Variants in XPOT observed in about 807,000 individuals in gnomAD.
The protein encoded by XPOT is exportin for tRNA.
XPOT carries 34 observed loss-of-function variants against 128.2 expected under a neutral mutation model. The ratio of observed to expected loss-of-function variants is 0.27; its 90% CI spans 0.20 to 0.35. The LOEUF (loss-of-function observed/expected upper bound fraction) is 0.35. XPOT is among the 10% of genes least tolerant of loss of function. The probability of loss-of-function intolerance (pLI) is 1.00; values close to 1 mark genes in which losing one functional copy is unlikely to be tolerated. For missense variants in XPOT, 838 were observed against 1,125.3 expected (o/e 0.74, Z 3.65); for synonymous variants, 348 against 394.3 (o/e 0.88, Z 1.39).
intron 23 of XPOT, among the ~76,000 whole-genome samples, chr12:64,441,234 T>C (rs2040322190): frequency 6.6e-6 from 1 of 152,218 alleles, no homozygotes; most frequent in African/African-American, 2.4e-5. Context: ...GTTGACTGTA[T>C]ACAGGAGTTG....
chr12:64,434,558 A>C lies in XPOT; in HGVS notation c.2504A>C (p.Glu835Ala). 1 of 1,614,038 alleles carries C rather than the reference A, an allele frequency of 6.2e-7. No homozygotes were observed. Among genetic ancestry groups the C allele is most frequent in the Non-Finnish European group, 8.5e-7 (1 of 1,179,954 alleles). ...VLVTVIQGAV[E>A]YPDPIAQKTC... is the part of the protein sequence containing the mutation. The stretch of plus-strand genomic sequence containing the variant: ...GTTACTGTTATCCAAGGAGCAGTTG[A>C]ATATCCAGATCCAATTGCACAGAAA... The change falls in exon 20 of 25, where the codon GAA becomes GCA. Residue 835 changes from glutamate (E) to alanine (A), a missense_variant. By Grantham distance (107) the Glu-to-Ala change is moderately radical. This residue lies in a region of XPOT where 761 missense variants were observed against 988.3 expected (regional missense o/e 0.77). Coordinates refer to ENST00000332707, the MANE Select transcript of XPOT (RefSeq NM_007235.6).
intron 16 of XPOT, 57 bp downstream of exon 16, chr12:64,428,177 C>A: frequency 1.7e-6 from 2 of 1,205,208 alleles, no homozygotes; most frequent in Non-Finnish European, 2.4e-6. Context: ...CCACACGTGC[C>A]ATTAGCCTTG....
At chr12:64,426,284 G>A (rs1426691725) in intron 15 of XPOT, among the ~76,000 whole-genome samples, 2 of 128,348 alleles carry the variant, frequency 1.6e-5, no homozygotes, top group Non-Finnish European at 3.2e-5. Context: ...GGGTGACAGC[G>A]TGAGACTCAG....
intron 20 of XPOT, 22 bp downstream of exon 20, chr12:64,434,645 ACC>A: frequency 6.3e-7 from 1 of 1,590,866 alleles, no homozygotes; most frequent in East Asian, 2.2e-5. Context: ...TTATTTCTTA[ACC>A]TTCATTTCCC....
intron 2 of XPOT, among the ~76,000 whole-genome samples, chr12:64,412,567 T>C (rs1282398255): frequency 6.6e-6 from 1 of 152,184 alleles, no homozygotes; most frequent in Non-Finnish European, 1.5e-5. Flanking sequence ...GCTAGTACTA[T>C]CTTTTATAGC....
intron 11 of XPOT, 31 bp downstream of exon 11, chr12:64,423,275 A>T (rs2040158127): frequency 7.2e-7 from 1 of 1,389,772 alleles, no homozygotes; most frequent in Non-Finnish European, 9.8e-7. Flanking sequence ...AGGAGAAAGG[A>T]GTTTTAATTT....
chr12:64,433,337 T>A, intron 18 of XPOT, 77 bp from the exon 19 acceptor site: 1 of 1,361,158 alleles, frequency 7.3e-7, no homozygotes, highest in Non-Finnish European at 9.9e-7. Context: ...AAAGAAAGGC[T>A]TTATGTAAAA....
intron 18 of XPOT, 139 bp downstream of exon 18, chr12:64,431,962 T>C: frequency 1.2e-6 from 1 of 853,230 alleles, no homozygotes; most frequent in Non-Finnish European, 1.8e-6. Context: ...ATCATATGTA[T>C]TTTTATCATC....
chr12:64,442,654 T>G (rs1319238896), intron 23 of XPOT: 1 of 152,398 alleles, frequency 6.6e-6, no homozygotes, highest in Non-Finnish European at 1.5e-5. Context: ...GTGAGAGAGC[T>G]GCTTTTTCTC....
At position 64,449,541 on chromosome 12, in the gene XPOT, G is replaced by A. The variant is rs749875418; in HGVS notation, c.*1410G>A. ...TTTTGCCCTTTGGCCTCATGAATGG[G>A]TTTCATGAATGGGCTTCAGTGGCTT... On this transcript the variant is annotated 3_prime_UTR_variant, in exon 25 of 25. Coordinates refer to ENST00000332707, the MANE Select transcript of XPOT (RefSeq NM_007235.6). 2 of 152,200 alleles carry A rather than the reference G, an allele frequency of 1.3e-5. No individual in the cohort carries two copies. Among genetic ancestry groups the A allele is most frequent in the Non-Finnish European group, 2.9e-5 (2 of 68,022 alleles). 9.4% of individuals were successfully genotyped at this position (152,200 alleles called of 1,614,324 possible). A position where few individuals can be genotyped will look rare whatever the true frequency, so the allele number is the denominator to read the frequency against.
At position 64,416,681 on chromosome 12, in the gene XPOT, CT is replaced by C; in HGVS notation, c.144-10del. 3 of 1,603,594 alleles carry C rather than the reference CT, an allele frequency of 1.9e-6. No individual in the cohort carries two copies. Among genetic ancestry groups the C allele is most frequent in the South Asian group, 2.2e-5 (2 of 90,558 alleles). On this transcript the variant is annotated splice_polypyrimidine_tract_variant and intron_variant, in intron 3 of 24. Coordinates refer to ENST00000332707, the MANE Select transcript of XPOT (RefSeq NM_007235.6). ...GTTCATATTCTGCTTATCTCATTTTCTTTTTTTCTTTTTCAGTGATGATCAT... is the reference window on the plus strand; with the variant it reads ...GTTCATATTCTGCTTATCTCATTTTCTTTTTTCTTTTTCAGTGATGATCAT...
intron 24 of XPOT, among the ~76,000 whole-genome samples, chr12:64,445,560 T>TC (rs1308070944): frequency 1.3e-5 from 2 of 152,198 alleles, no homozygotes; most frequent in East Asian, 1.9e-4. Flanking sequence ...ATTACTGATT[T>TC]TTTTTTTTAA....
Position 64,445,126 on chromosome 12 carries a change from TTA to T in XPOT, c.2858_2859del (p.Leu953Ter). 6.2e-7 allele frequency: 1 copy of T among 1,610,464 alleles called. No homozygotes were observed. The highest frequency in any genetic ancestry group is 8.5e-7 in the Non-Finnish European group (1 of 1,178,254). ...TGATGCTAAAGTTTTTAAAAATTAC[TTA>T]AAGGTAGGTATTTGTGAAGCTCACG... ...QPDAKVFKNY[L>X]KVFFQRAKP On this transcript the variant is annotated frameshift_variant, in exon 24 of 25. Coordinates refer to ENST00000332707, the MANE Select transcript of XPOT (RefSeq NM_007235.6). LOFTEE classifies it high-confidence loss of function.
intron 23 of XPOT, among the ~76,000 whole-genome samples, chr12:64,439,979 A>T (rs1304835550): frequency 1.3e-5 from 2 of 152,216 alleles, no homozygotes; most frequent in Non-Finnish European, 2.9e-5. Flanking sequence ...CACTTACATG[A>T]GATATATACC....
chr12:64,406,883 A>G (rs1373503805), intron 1 of XPOT, among the ~76,000 whole-genome samples: 1 of 152,156 alleles, frequency 6.6e-6, no homozygotes, highest in Non-Finnish European at 1.5e-5. Context: ...GATCTGGTAT[A>G]AGAATGCCCC....
chr12:64,412,470 A>G (rs1279110951), intron 2 of XPOT, among the ~76,000 whole-genome samples: 1 of 152,208 alleles, frequency 6.6e-6, no homozygotes, highest in Admixed American at 6.5e-5. Context: ...TGCAACATAC[A>G]TGATTAACTT....
At chr12:64,447,586 C>G (rs539302953) in intron 24 of XPOT, among the ~76,000 whole-genome samples, 49 of 152,062 alleles carry the variant, frequency 3.2e-4, no homozygotes, top group Non-Finnish European at 5.7e-4. Flanking sequence ...TCAAGTGATT[C>G]TCCTGCCTCA....
Position 64,425,448 on chromosome 12 carries a change from A to T in XPOT, c.1563A>T (p.Pro521=). 2 of 1,613,964 alleles carry T rather than the reference A, an allele frequency of 1.2e-6. No individual in the cohort carries two copies. Among genetic ancestry groups the T allele is most frequent in the South Asian group, 2.2e-5 (2 of 91,072 alleles). Residue 521 remains proline, a synonymous_variant, in exon 14 of 25, where the codon CCA becomes CCT. Coordinates refer to ENST00000332707, the MANE Select transcript of XPOT (RefSeq NM_007235.6). ...KFFTVEPQHI[P]CVLMAFLDHR... ...TCACAGTTGAACCTCAGCACATTCCATGTGTACTAGTAAGTACTCTGGATT... is the reference window on the plus strand; with the variant it reads ...TCACAGTTGAACCTCAGCACATTCCTTGTGTACTAGTAAGTACTCTGGATT...
chr12:64,439,947 T>C (rs953558043), intron 23 of XPOT, among the ~76,000 whole-genome samples: 6 of 152,228 alleles, frequency 3.9e-5, no homozygotes, highest in Non-Finnish European at 8.8e-5. Flanking sequence ...TCATCAATAG[T>C]GTTTTTATTT....
Sources: allele counts gnomAD v4.1 joint callset (sites outside exome capture counted in the v4.1 genomes callset), GRCh38; gene constraint gnomAD v4.1.1; regional missense constraint gnomAD v4.1.1; transcripts MANE v1.5; gene names NCBI Gene and HGNC (gene_info 2026-07-23, HGNC 2026-07-21).